ELP3: variants seen among roughly 807,000 people sequenced by gnomAD.
The protein encoded by ELP3 is elongator complex protein 3.
A neutral mutation model predicts 74.9 loss-of-function variants in ELP3; 56 were observed. The observed-to-expected ratio is 0.75, with a 90% CI of 0.60 to 0.93. ELP3 has a LOEUF of 0.93. ELP3 is among the 40% of genes least tolerant of loss of function. The pLI is 0.00. For missense variants in ELP3, 573 were observed against 686.5 expected, an observed-to-expected ratio of 0.83 and a Z score of 1.85; for synonymous variants, 222 against 239.8, an observed-to-expected ratio of 0.93 and a Z score of 0.68.
At chr8:28,153,514 C>T (rs926858676) in intron 10 of ELP3, among the ~76,000 whole-genome samples, 5 of 152,128 alleles carry the variant, frequency 3.3e-5, no homozygotes, top group African/African-American at 9.7e-5. Context: ...AAATCAGTTT[C>T]GTCATAGGTA....
intron 2 of ELP3, among the ~76,000 whole-genome samples, chr8:28,097,734 G>A (rs973523620): frequency 6.6e-6 from 1 of 152,174 alleles, no homozygotes; most frequent in Non-Finnish European, 1.5e-5. Context: ...CTCAGCTTAA[G>A]AATACTAATA....
In ELP3 at chr8:28,158,552, C is replaced by CT; in HGVS notation, c.1192-16_1192-15insT. ...TCCCACCCCCCAACCCCGCTCACGC[C>CT]ATTTTTTTTTGACAGTGTCGAGATG... On this transcript the variant is annotated splice_polypyrimidine_tract_variant and intron_variant, in intron 11 of 14. Coordinates refer to ENST00000256398, the MANE Select transcript of ELP3 (RefSeq NM_018091.6). The CT allele has an allele frequency of 1.2e-6, 2 of 1,607,580 alleles. No individual in the cohort carries two copies. Among genetic ancestry groups the CT allele is most frequent in the Non-Finnish European group, 1.7e-6 (2 of 1,174,570 alleles).
chr8:28,103,092 C>T (rs918509212), intron 3 of ELP3, among the ~76,000 whole-genome samples: 2 of 152,160 alleles, frequency 1.3e-5, no homozygotes, highest in African/African-American at 2.4e-5. Flanking sequence ...ATAGTTTGAA[C>T]CCAGGAGGCA....
At chr8:28,129,262 G>A (rs1812700119) in intron 7 of ELP3, 4 of 478,648 alleles carry the variant, frequency 8.4e-6, no homozygotes, top group South Asian at 8.3e-5. Flanking sequence ...CTTATGAGGT[G>A]TAGATAGTGT....
chr8:28,109,453 A>T (rs910952549), intron 5 of ELP3, among the ~76,000 whole-genome samples: 2 of 151,990 alleles, frequency 1.3e-5, no homozygotes, highest in Non-Finnish European at 2.9e-5. Context: ...TCCCCCTACC[A>T]GTTAGTGTTG....
chr8:28,122,914 A>G (rs1417255707), intron 7 of ELP3, among the ~76,000 whole-genome samples: 1 of 152,196 alleles, frequency 6.6e-6, no homozygotes, highest in Non-Finnish European at 1.5e-5. Flanking sequence ...ACCTGAGGTC[A>G]GGAGTTCGAG....
upstream of ELP3, among the ~76,000 whole-genome samples, chr8:28,091,866 G>T (rs1379335203): frequency 6.6e-6 from 1 of 152,192 alleles, no homozygotes; most frequent in Non-Finnish European, 1.5e-5. Flanking sequence ...ATATTTAAAG[G>T]GAAAGAGCAG....
chr8:28,107,351 T>G (rs998515147), intron 4 of ELP3, among the ~76,000 whole-genome samples: 1 of 152,238 alleles, frequency 6.6e-6, no homozygotes, highest in African/African-American at 2.4e-5. Context: ...CATTGGGATA[T>G]GCAACTCAAA....
chr8:28,093,007 AG>A, upstream of ELP3: 1 of 748,762 alleles, frequency 1.3e-6, no homozygotes, highest in South Asian at 1.6e-5. Context: ...ATCGCAGCCT[AG>A]GGGCCTCACG....
intron 7 of ELP3, among the ~76,000 whole-genome samples, chr8:28,127,898 A>G (rs1335071193): frequency 6.6e-6 from 1 of 152,212 alleles, no homozygotes; most frequent in South Asian, 2.1e-4. Flanking sequence ...AAGATTTGAG[A>G]ATTTGTTCTC....
chr8:28,097,348 G>C (rs930755604), intron 2 of ELP3, 30 bp downstream of exon 2: 6 of 1,443,662 alleles, frequency 4.2e-6, no homozygotes, highest in African/African-American at 1.4e-5. Context: ...GAGCAAGCTT[G>C]TTCTTAGGTA....
intron 3 of ELP3, 74 bp from the exon 4 acceptor site, chr8:28,106,639 C>A: frequency 7.8e-7 from 1 of 1,278,536 alleles, no homozygotes; most frequent in Non-Finnish European, 1.1e-6. Context: ...TCCTTCCTTC[C>A]GAGGGATAAG....
intron 1 of ELP3, among the ~76,000 whole-genome samples, chr8:28,096,105 G>A (rs1811243030): frequency 6.6e-6 from 1 of 152,198 alleles, no homozygotes; most frequent in Non-Finnish European, 1.5e-5. Flanking sequence ...CGTGCATGTG[G>A]TGGGTCTAGG....
intron 10 of ELP3, 24 bp from the exon 11 acceptor site, chr8:28,155,917 GC>G: frequency 6.4e-7 from 1 of 1,572,702 alleles, no homozygotes; most frequent in Non-Finnish European, 8.8e-7. Flanking sequence ...TTTTGCAACA[GC>G]TTATGTTTTT....
At chr8:28,134,579 T>G (rs1366580084) in intron 9 of ELP3, among the ~76,000 whole-genome samples, 1 of 152,172 alleles carries the variant, frequency 6.6e-6, no homozygotes, top group South Asian at 2.1e-4. Context: ...AACAGCTCAG[T>G]AGGAAAATGG....
At chr8:28,157,071 A>C (rs1018727135) in intron 11 of ELP3, among the ~76,000 whole-genome samples, 5 of 152,216 alleles carry the variant, frequency 3.3e-5, no homozygotes, top group Non-Finnish European at 7.3e-5. Flanking sequence ...AAGAAGGCCA[A>C]GGTGACTGAC....
chr8:28,139,605 C>T (rs1296292722), intron 10 of ELP3, among the ~76,000 whole-genome samples: 1 of 152,034 alleles, frequency 6.6e-6, no homozygotes, highest in Non-Finnish European at 1.5e-5. Context: ...CTAAACAATA[C>T]AGTATAACAA....
At chr8:28,133,251 GT>G (rs1364841083) in intron 9 of ELP3, among the ~76,000 whole-genome samples, 1 of 151,894 alleles carries the variant, frequency 6.6e-6, no homozygotes, top group Non-Finnish European at 1.5e-5. Context: ...GGAATTGTGT[GT>G]TTTTATCCTC....
intron 14 of ELP3, among the ~76,000 whole-genome samples, chr8:28,181,967 GT>G (rs1712212352): frequency 2.3e-5 from 1 of 43,622 alleles, no homozygotes. Context: ...TTCTTTGTTT[GT>G]TTGTTTGTTT....
Sources: gnomAD v4.1 joint callset for allele counts (sites outside exome capture counted in the v4.1 genomes callset) on GRCh38, gnomAD v4.1.1 for gene constraint, MANE v1.5 for transcripts, NCBI Gene and HGNC (gene_info 2026-07-23, HGNC 2026-07-21) for gene names.